The following MAGI2 variants were observed in gnomAD, a reference collection of about 807,000 sequenced individuals.
MAGI2 encodes membrane associated guanylate kinase, WW and PDZ domain containing 2.
Under a neutral mutation model 133.3 loss-of-function variants are expected in MAGI2, and 35 were observed. The observed-to-expected ratio is 0.26, with a 90% CI of 0.20 to 0.35. The LOEUF is 0.35. Among genes scored for constraint, MAGI2 ranks in the 10% least tolerant of loss-of-function variants. MAGI2 has a pLI of 1.00. For missense variants in MAGI2, 1,636 were observed against 1,863.4 expected, an observed-to-expected ratio of 0.88 and a Z score of 2.25; for synonymous variants, 729 against 710.6, an observed-to-expected ratio of 1.03 and a Z score of -0.41.
At chr7:78,203,187 A>C (rs1829429839) in intron 10 of MAGI2, among the ~76,000 whole-genome samples, 1 of 152,172 alleles carries the variant, frequency 6.6e-6, no homozygotes, top group South Asian at 2.1e-4. Flanking sequence ...TTGTGTCATC[A>C]CCTTCTTCCT....
chr7:78,587,237 A>G (rs1231690240), intron 3 of MAGI2, among the ~76,000 whole-genome samples: 1 of 152,042 alleles, frequency 6.6e-6, no homozygotes, highest in Non-Finnish European at 1.5e-5. Flanking sequence ...CCCTCACCTT[A>G]TTATTTTTCC....
At chr7:78,121,545 A>G (rs1436939316) in intron 20 of MAGI2, among the ~76,000 whole-genome samples, 1 of 152,244 alleles carries the variant, frequency 6.6e-6, no homozygotes, top group Non-Finnish European at 1.5e-5. Context: ...TCTAAAATAT[A>G]TAATTTTCTA....
chr7:78,360,049 C>T (rs1272684428), intron 7 of MAGI2, among the ~76,000 whole-genome samples: 1 of 152,172 alleles, frequency 6.6e-6, no homozygotes, highest in Non-Finnish European at 1.5e-5. Context: ...TTATAGTTCT[C>T]ATGTGGGGAT....
At chr7:78,198,346 A>C (rs1008648281) in intron 11 of MAGI2, among the ~76,000 whole-genome samples, 2 of 151,942 alleles carry the variant, frequency 1.3e-5, no homozygotes, top group Non-Finnish European at 2.9e-5. Flanking sequence ...CAGCCACTGA[A>C]ATATCAGTGA....
intron 15 of MAGI2, among the ~76,000 whole-genome samples, chr7:78,164,244 A>T (rs1160530138): frequency 3.3e-5 from 5 of 150,968 alleles, no homozygotes; most frequent in African/African-American, 1.2e-4. Context: ...TGCTTCCAGG[A>T]TGTGCCTGGG....
chr7:79,105,192 C>A (rs1057144659), intron 1 of MAGI2, among the ~76,000 whole-genome samples: 4 of 152,144 alleles, frequency 2.6e-5, no homozygotes, highest in Non-Finnish European at 4.4e-5. Context: ...TACTTCCCTG[C>A]TTAGTAAAAC....
chr7:78,611,543 G>A (rs17151138), intron 3 of MAGI2, among the ~76,000 whole-genome samples: 6,960 of 152,192 alleles, frequency 0.046, 224 homozygotes, highest in East Asian at 0.076. Context: ...ACTATCTTCT[G>A]CATTTTAATA....
At chr7:78,912,035 A>G (rs1015573177) in intron 2 of MAGI2, among the ~76,000 whole-genome samples, 1 of 152,208 alleles carries the variant, frequency 6.6e-6, no homozygotes, top group African/African-American at 2.4e-5. Flanking sequence ...TTATATTTTT[A>G]ATTTAAAAAT....
rs769795261 is a variant in MAGI2, at chr7:79,126,773, T to TA, written c.302-119568dup. On this transcript the variant is annotated intron_variant, in intron 1 of 21. Transcript: ENST00000354212. Reference sequence around the variant, plus strand: ...TTACAATGTCCCCCAGACTTTTTTTTAAAAAATGTTTTGTACATATTAAAT... The same window carrying TA: ...TTACAATGTCCCCCAGACTTTTTTTTAAAAAAATGTTTTGTACATATTAAAT... 1.4e-4 allele frequency among the ~76,000 whole-genome samples: 22 copies of TA among 151,902 alleles called. No individual in the cohort carries two copies. In the South Asian group the frequency reaches 3.3e-3, roughly 23 times the overall value.
intron 1 of MAGI2, among the ~76,000 whole-genome samples, chr7:79,034,742 T>C (rs1810951904): frequency 6.6e-6 from 1 of 152,190 alleles, no homozygotes; most frequent in Non-Finnish European, 1.5e-5. Flanking sequence ...AATCCAATAC[T>C]GACCATAAGC....
intron 2 of MAGI2, among the ~76,000 whole-genome samples, chr7:78,968,744 T>G (rs75921261): frequency 0.027 from 4,045 of 152,142 alleles, 176 homozygotes; most frequent in African/African-American, 0.091. Context: ...GCACTATAAA[T>G]CCAATTTATT....
At chr7:78,648,145 T>TA (rs758722850) in intron 2 of MAGI2, among the ~76,000 whole-genome samples, 4 of 152,130 alleles carry the variant, frequency 2.6e-5, no homozygotes, top group African/African-American at 7.2e-5. Context: ...TAAAGTATAA[T>TA]AAAAAAATTA....
intron 2 of MAGI2, among the ~76,000 whole-genome samples, chr7:78,931,123 C>A (rs1800082643): frequency 6.6e-6 from 1 of 152,066 alleles, no homozygotes; most frequent in African/African-American, 2.4e-5. Context: ...AATAAAGCTT[C>A]AACCCACGTC....
chr7:78,190,618 T>C (rs531381314), intron 12 of MAGI2, among the ~76,000 whole-genome samples: 3 of 152,202 alleles, frequency 2.0e-5, no homozygotes, highest in African/African-American at 7.2e-5. Flanking sequence ...AATAGAAGAT[T>C]TCCTATCAAA....
chr7:78,799,080 T>G lies in MAGI2; in HGVS notation c.419-171841A>C, dbSNP rs574432371. ...TAATAACTGCAGTGACTTTTAAAAT[T>G]TATTCTTTCTTTGGTCAGGACAGGT... On this transcript the variant is annotated intron_variant, in intron 2 of 21. Coordinates refer to ENST00000354212, the MANE Select transcript of MAGI2 (RefSeq NM_012301.4). 5.9e-5 allele frequency among the ~76,000 whole-genome samples: 9 copies of G among 152,274 alleles called. No homozygotes were observed. In the East Asian group the frequency reaches 1.7e-3, roughly 29 times the overall value.
At chr7:78,039,019 T>A (rs1175670912) in intron 21 of MAGI2, among the ~76,000 whole-genome samples, 2 of 152,222 alleles carry the variant, frequency 1.3e-5, no homozygotes. Context: ...GGGTGTCTAA[T>A]ATTCACTTAG....
chr7:78,684,858 A>T (rs886648556), intron 2 of MAGI2, among the ~76,000 whole-genome samples: 2 of 152,216 alleles, frequency 1.3e-5, no homozygotes, highest in African/African-American at 4.8e-5. Context: ...GGCCAAAGAA[A>T]TTTCAGAACG....
intron 2 of MAGI2, among the ~76,000 whole-genome samples, chr7:78,788,557 A>T (rs1258461920): frequency 2.7e-5 from 4 of 150,616 alleles, no homozygotes; most frequent in Non-Finnish European, 5.9e-5. Flanking sequence ...TTAAAATTTG[A>T]ATTATGGGCA....
intron 1 of MAGI2, among the ~76,000 whole-genome samples, chr7:79,214,040 C>T (rs546898512): frequency 3.5e-4 from 53 of 151,742 alleles, no homozygotes; most frequent in Admixed American, 7.9e-4. Context: ...ATCAGATTTT[C>T]GCATGCAAAA....
Sources: allele counts gnomAD v4.1 joint callset (sites outside exome capture counted in the v4.1 genomes callset), GRCh38; gene constraint gnomAD v4.1.1; transcripts MANE v1.5; gene names NCBI Gene and HGNC (gene_info 2026-07-23, HGNC 2026-07-21).